Variants in SNTG2 observed in about 807,000 individuals in gnomAD.
SNTG2 encodes syntrophin gamma 2, also known as gamma-2-syntrophin.
A neutral mutation model predicts 70.9 loss-of-function variants in SNTG2; 74 were observed. The ratio of observed to expected loss-of-function variants is 1.04; its 90% CI spans 0.86 to 1.27. The LOEUF is 1.27. SNTG2 is among the 50% of genes most tolerant of loss of function. The pLI is 0.00. For missense variants in SNTG2, 717 were observed against 690.7 expected (o/e 1.04, Z -0.43); for synonymous variants, 278 against 273.8 (o/e 1.02, Z -0.15).
intron 8 of SNTG2, among the ~76,000 whole-genome samples, chr2:1,179,606 A>G (rs1216967755): frequency 6.6e-6 from 1 of 152,074 alleles, no homozygotes; most frequent in East Asian, 1.9e-4. Context: ...GCTCATGGGT[A>G]GGAAGAATCA....
chr2:1,120,298 CAAG>C (rs1455527635), intron 4 of SNTG2, among the ~76,000 whole-genome samples: 1 of 151,932 alleles, frequency 6.6e-6, no homozygotes, highest in Non-Finnish European at 1.5e-5. Context: ...ATATTACAAA[CAAG>C]AAAATAAGAG....
Position 1,084,480 on chromosome 2 carries a change from C to G in SNTG2, c.210+825C>G, listed in dbSNP as rs146317990. ...GCACCCGGTCCGCCCTCCTGCTCCC[C>G]AACATGTCCCCTGTGGCTCAAGGAG... On this transcript the variant is annotated intron_variant, in intron 2 of 16. Coordinates refer to ENST00000308624, the MANE Select transcript of SNTG2 (RefSeq NM_018968.4). 2.9e-3 allele frequency among the ~76,000 whole-genome samples: 446 copies of G among 152,298 alleles called. 1 individual carries two copies. Among genetic ancestry groups the G allele is most frequent in the African/African-American group, 0.01 (424 of 41,566 alleles).
chr2:956,504 G>A (rs1660163918), intron 1 of SNTG2, among the ~76,000 whole-genome samples: 1 of 152,210 alleles, frequency 6.6e-6, no homozygotes, highest in South Asian at 2.1e-4. Flanking sequence ...TGCCTCTCCT[G>A]GAGGCTGCAT....
intron 8 of SNTG2, among the ~76,000 whole-genome samples, chr2:1,202,521 A>C (rs1673340134): frequency 6.6e-6 from 1 of 152,150 alleles, no homozygotes; most frequent in African/African-American, 2.4e-5. Context: ...AGTAGAAAAA[A>C]TCCAGGGGAA....
chr2:973,655 G>C (rs1293980804), intron 1 of SNTG2, among the ~76,000 whole-genome samples: 1 of 151,432 alleles, frequency 6.6e-6, no homozygotes, highest in Non-Finnish European at 1.5e-5. Context: ...AACTGTAACT[G>C]CCTGTTACTG....
In SNTG2 at chr2:1,053,130, G is replaced by A. The variant is rs116498412; in HGVS notation, c.73-30388G>A. On this transcript the variant is annotated intron_variant, in intron 1 of 16. Coordinates refer to ENST00000308624, the MANE Select transcript of SNTG2 (RefSeq NM_018968.4). ...CTGCGTTTTGTCCACGTAGGAAGGA[G>A]GGTGTTCTGCTGTTGCTGAGCACAG... is the stretch of plus-strand genomic sequence containing the variant. 2.0e-3 allele frequency among the ~76,000 whole-genome samples: 300 copies of A among 152,284 alleles called. 1 individual carries two copies. Among genetic ancestry groups the A allele is most frequent in the African/African-American group, 7.0e-3 (289 of 41,560 alleles).
chr2:951,440 G>A (rs971680866), intron 1 of SNTG2, among the ~76,000 whole-genome samples: 3 of 152,192 alleles, frequency 2.0e-5, no homozygotes, highest in African/African-American at 7.2e-5. Context: ...TCGGGCCCAG[G>A]CGGTGGCTCG....
chr2:1,306,054 G>A (rs749904659), intron 14 of SNTG2, among the ~76,000 whole-genome samples: 10 of 152,276 alleles, frequency 6.6e-5, no homozygotes, highest in Middle Eastern at 3.4e-3. Flanking sequence ...TTTCAAACCT[G>A]AGCTGTGAGA....
In SNTG2 at chr2:1,083,533, G is replaced by T; in HGVS notation, c.88G>T (p.Ala30Ser). 6.2e-7 allele frequency: 1 copy of T among 1,613,524 alleles called. No homozygotes were observed. The highest frequency in any genetic ancestry group is 1.3e-5 in the African/African-American group (1 of 74,936). Residue 30 changes from alanine to serine, a missense_variant, in exon 2 of 17, where the codon GCT becomes TCT. Coordinates refer to ENST00000308624, the MANE Select transcript of SNTG2 (RefSeq NM_018968.4). Reference protein sequence around the residue: ...LVPARTKTTIALLYDEESENA... With the variant: ...LVPARTKTTISLLYDEESENA... ...GTCCCTACAGACGAAAACCACTATT[G>T]CTCTGTTGTATGATGAAGAGTCCGA...
chr2:1,278,688 G>A (rs182639482), intron 14 of SNTG2, among the ~76,000 whole-genome samples: 34 of 152,270 alleles, frequency 2.2e-4, no homozygotes, highest in Admixed American at 1.9e-3. Flanking sequence ...TTGTCAGAAC[G>A]AAGAGCAAAG....
chr2:1,339,207 A>AT (rs940890719), intron 16 of SNTG2, among the ~76,000 whole-genome samples: 4 of 152,072 alleles, frequency 2.6e-5, no homozygotes, highest in Admixed American at 6.6e-5. Context: ...TTTAAAGTGG[A>AT]TTTTTTGTTT....
intron 16 of SNTG2, among the ~76,000 whole-genome samples, chr2:1,355,933 TAATGCTTGGTGATGTG>T (rs1660829066): frequency 6.6e-6 from 1 of 152,246 alleles, no homozygotes. Flanking sequence ...TGCATTTCCC[TAATGCTTGGTGATGTG>T]AATGCCTTTT....
chr2:1,160,962 T>C (rs965104467), intron 6 of SNTG2: 1 of 152,062 alleles, frequency 6.6e-6, no homozygotes, highest in Non-Finnish European at 1.5e-5. Context: ...ATTTTACAGG[T>C]GTTGGGAGAT....
At position 975,524 on chromosome 2, in the gene SNTG2, T is replaced by A. The variant is rs150427004; in HGVS notation, c.72+24456T>A. On this transcript the variant is annotated intron_variant, in intron 1 of 16. Transcript: ENST00000308624. ...GCAAGGAGTATTGAGTACATTGACATCTACTATATAATAAGCTCTAAAGAT... is the reference window on the plus strand; with the variant it reads ...GCAAGGAGTATTGAGTACATTGACAACTACTATATAATAAGCTCTAAAGAT... Among the ~76,000 whole-genome samples, 417 of 152,352 alleles carry A rather than the reference T, an allele frequency of 2.7e-3. 7 individuals carry two copies. Among genetic ancestry groups the A allele is most frequent in the Admixed American group, 0.024 (370 of 15,306 alleles).
intron 1 of SNTG2, among the ~76,000 whole-genome samples, chr2:1,080,494 G>T (rs1210689973): frequency 6.6e-6 from 1 of 152,152 alleles, no homozygotes; most frequent in Non-Finnish European, 1.5e-5. Flanking sequence ...GTGTATGTGT[G>T]TGCATGCATT....
chr2:1,298,397 G>C (rs921721959), intron 14 of SNTG2, among the ~76,000 whole-genome samples: 2 of 152,170 alleles, frequency 1.3e-5, no homozygotes, highest in African/African-American at 4.8e-5. Context: ...GCCTCCCAAA[G>C]TGCTGGGATT....
At chr2:1,191,906 GTTA>G (rs1226774032) in intron 8 of SNTG2, among the ~76,000 whole-genome samples, 1 of 151,728 alleles carries the variant, frequency 6.6e-6, no homozygotes, top group Non-Finnish European at 1.5e-5. Context: ...ATGTATATAT[GTTA>G]TTTATGTATA....
intron 1 of SNTG2, among the ~76,000 whole-genome samples, chr2:1,043,513 A>G (rs888966092): frequency 2.0e-5 from 3 of 152,082 alleles, no homozygotes; most frequent in African/African-American, 4.8e-5. Context: ...CCAGAATAGT[A>G]TTTCCAAGTT....
At chr2:1,137,107 G>A (rs1008157137) in intron 4 of SNTG2, among the ~76,000 whole-genome samples, 1 of 152,176 alleles carries the variant, frequency 6.6e-6, no homozygotes, top group African/African-American at 2.4e-5. Context: ...AATCAATCTA[G>A]CTTTCCTTAT....
Sources: allele counts gnomAD v4.1 joint callset (sites outside exome capture counted in the v4.1 genomes callset), GRCh38; gene constraint gnomAD v4.1.1; transcripts MANE v1.5; gene names NCBI Gene and HGNC (gene_info 2026-07-23, HGNC 2026-07-21).